The following SEC14L1 variants were observed in gnomAD, a reference collection of about 807,000 sequenced individuals.
SEC14L1 encodes SEC14-like protein 1.
A neutral mutation model predicts 85.3 loss-of-function variants in SEC14L1; 48 were observed. The observed-to-expected ratio is 0.56, with a 90% CI of 0.45 to 0.72. The LOEUF is 0.72. SEC14L1 is among the 30% of genes least tolerant of loss of function. The pLI is 0.00. For synonymous variants in SEC14L1, 391 were observed against 355.5 expected, an observed-to-expected ratio of 1.10 and a Z score of -1.12; for missense variants, 682 against 921.4, an observed-to-expected ratio of 0.74 and a Z score of 3.36.
At chr17:77,107,614 T>C (rs908570353) in intron 3 of SEC14L1, among the ~76,000 whole-genome samples, 3 of 151,754 alleles carry the variant, frequency 2.0e-5, no homozygotes, top group Non-Finnish European at 4.4e-5. Flanking sequence ...GGTCAGAAGA[T>C]CCCCACCCAC....
At chr17:77,157,433 A>G (rs924374894) in intron 3 of SEC14L1, among the ~76,000 whole-genome samples, 1 of 152,214 alleles carries the variant, frequency 6.6e-6, no homozygotes, top group African/African-American at 2.4e-5. Flanking sequence ...GGTGATTCTT[A>G]ACGCCTGCTC....
intron 3 of SEC14L1, among the ~76,000 whole-genome samples, chr17:77,108,737 T>C (rs538207631): frequency 7.5e-6 from 1 of 133,316 alleles, no homozygotes. Context: ...AGGCTCTGTC[T>C]CAAAAAAAAA....
chr17:77,185,297 CAG>C (rs1438814805), intron 3 of SEC14L1: 4 of 985,458 alleles, frequency 4.1e-6, no homozygotes, highest in Admixed American at 6.1e-5. Flanking sequence ...CTGACGCTGA[CAG>C]AGCTCTGGAG....
At chr17:77,160,030 G>A (rs1270862976) in intron 3 of SEC14L1, among the ~76,000 whole-genome samples, 1 of 152,146 alleles carries the variant, frequency 6.6e-6, no homozygotes, top group African/African-American at 2.4e-5. Flanking sequence ...TAAATTTTAA[G>A]TGCTTCAAGG....
rs1976474653 is a variant in SEC14L1 at position 77,206,585 on chromosome 17, C to T, written c.1342-143C>T. The stretch of plus-strand genomic sequence containing the variant: ...AAACAAAATGTGAGTGTCCTAATGC[C>T]ATGCAAATAGACTTTACAGAAGAAG... On this transcript the variant is annotated intron_variant, in intron 12 of 16. Coordinates refer to ENST00000436233, the MANE Select transcript of SEC14L1 (RefSeq NM_001143998.2). This position sits in a 1 kb window ranked among gnomAD's most constrained non-coding sequence, Gnocchi z 4.3. The T allele has an allele frequency of 4.1e-6, 5 of 1,206,014 alleles. No homozygotes were observed. Among genetic ancestry groups the T allele is most frequent in the Non-Finnish European group, 5.8e-6 (5 of 860,680 alleles). 74.7% of individuals were successfully genotyped at this position (1,206,014 alleles called of 1,614,324 possible).
intron 3 of SEC14L1, among the ~76,000 whole-genome samples, chr17:77,120,042 C>T (rs749876629): frequency 1.3e-5 from 2 of 152,046 alleles, no homozygotes; most frequent in Non-Finnish European, 2.9e-5. Flanking sequence ...GAGAGCCCAT[C>T]GACTGGAGAT....
intron 3 of SEC14L1, among the ~76,000 whole-genome samples, chr17:77,123,444 C>T (rs574469914): frequency 1.9e-4 from 21 of 109,250 alleles, no homozygotes; most frequent in African/African-American, 9.3e-4. Context: ...CAGAGCATCA[C>T]TGTGTTGCCC....
intron 5 of SEC14L1, among the ~76,000 whole-genome samples, chr17:77,192,663 CT>C (rs1377936355): frequency 5.9e-4 from 86 of 145,322 alleles, no homozygotes; most frequent in African/African-American, 5.8e-4. Context: ...AACCCCCAGG[CT>C]TTTTTTTTTT....
At chr17:77,148,296 G>A (rs1021977318) in intron 3 of SEC14L1, among the ~76,000 whole-genome samples, 44 of 152,060 alleles carry the variant, frequency 2.9e-4, no homozygotes, top group Admixed American at 2.0e-4. Flanking sequence ...TTCTGAACCC[G>A]ATTTTTGTGG....
chr17:77,181,332 A>T (rs1463825246), intron 3 of SEC14L1, among the ~76,000 whole-genome samples: 2 of 152,094 alleles, frequency 1.3e-5, no homozygotes, highest in Non-Finnish European at 2.9e-5. Flanking sequence ...GCTTAAGCAG[A>T]TTTCTTTTTG....
intron 3 of SEC14L1, among the ~76,000 whole-genome samples, chr17:77,112,261 A>G (rs1389745840): frequency 1.3e-5 from 2 of 152,036 alleles, no homozygotes; most frequent in Admixed American, 1.3e-4. Flanking sequence ...AAACCTCTTT[A>G]CTTATAAATT....
At chr17:77,101,326 G>A (rs569568169) in intron 3 of SEC14L1, among the ~76,000 whole-genome samples, 1 of 151,842 alleles carries the variant, frequency 6.6e-6, no homozygotes, top group Non-Finnish European at 1.5e-5. Context: ...GATTACAGGC[G>A]CACACCACGC....
chr17:77,103,607 G>A (rs1260509194), intron 3 of SEC14L1, among the ~76,000 whole-genome samples: 1 of 79,958 alleles, frequency 1.3e-5, no homozygotes, highest in Non-Finnish European at 2.5e-5. Flanking sequence ...ATGCCCAGCT[G>A]ATTTTGTGTA....
At chr17:77,209,141 G>A (rs116483550) in intron 13 of SEC14L1, among the ~76,000 whole-genome samples, 1 of 152,142 alleles carries the variant, frequency 6.6e-6, no homozygotes, top group East Asian at 1.9e-4. Context: ...CGTTTATGCA[G>A]AGTAAAACAC....
intron 2 of SEC14L1, among the ~76,000 whole-genome samples, chr17:77,092,483 G>T (rs1165631065): frequency 6.6e-6 from 1 of 152,188 alleles, no homozygotes; most frequent in African/African-American, 2.4e-5. Flanking sequence ...GAGCTCCCTA[G>T]TGAGAGCTGT....
chr17:77,214,775 G>A lies in SEC14L1; in HGVS notation c.*752G>A. The A allele has an allele frequency of 5.1e-6, 5 of 985,374 alleles. No individual in the cohort carries two copies. Among genetic ancestry groups the A allele is most frequent in the Non-Finnish European group, 6.0e-6 (5 of 829,940 alleles). 61.0% of individuals were successfully genotyped at this position (985,374 alleles called of 1,614,324 possible). A position where few individuals can be genotyped will look rare whatever the true frequency, so the allele number is the denominator to read the frequency against. On this transcript the variant is annotated 3_prime_UTR_variant, in exon 17 of 17. Transcript: ENST00000436233. ...GATTTTTCTGTATGTGAACTTGGGT[G>A]GGGGGGTTCTTCCCGTTTCCTTCCG...
chr17:77,146,039 C>G (rs113527420), intron 3 of SEC14L1, among the ~76,000 whole-genome samples: 7 of 152,218 alleles, frequency 4.6e-5, no homozygotes, highest in African/African-American at 1.7e-4. Flanking sequence ...AGTTCACATC[C>G]TTGAGAGAAA....
rs1976969043 is a variant in SEC14L1, at chr17:77,215,021, A to G, written c.*998A>G. ...CACTTCAGGGTGGCGTGTGGCATGT[A>G]GGAGTCCTGCTTCTTTGTACATGGG... is the stretch of plus-strand genomic sequence containing the variant. On this transcript the variant is annotated 3_prime_UTR_variant, in exon 17 of 17. Coordinates refer to ENST00000436233, the MANE Select transcript of SEC14L1 (RefSeq NM_001143998.2). 1.0e-6 allele frequency: 1 copy of G among 985,572 alleles called. No individual in the cohort carries two copies. Among genetic ancestry groups the G allele is most frequent in the Non-Finnish European group, 1.2e-6 (1 of 830,118 alleles). 61.1% of individuals were successfully genotyped at this position (985,572 alleles called of 1,614,324 possible). A position where few individuals can be genotyped will look rare whatever the true frequency, so the allele number is the denominator to read the frequency against.
intron 3 of SEC14L1, among the ~76,000 whole-genome samples, chr17:77,122,757 G>C (rs1598252217): frequency 6.6e-6 from 1 of 152,244 alleles, no homozygotes; most frequent in South Asian, 2.1e-4. Context: ...CAAGGCAGAA[G>C]GAGGGCCTGG....
Sources: allele counts gnomAD v4.1 joint callset (sites outside exome capture counted in the v4.1 genomes callset), GRCh38; gene constraint gnomAD v4.1.1; non-coding constraint Gnocchi (gnomAD v3.1); transcripts MANE v1.5; gene names NCBI Gene and HGNC (gene_info 2026-07-23, HGNC 2026-07-21).